DCC: variants seen among roughly 807,000 people sequenced by gnomAD.
The protein encoded by DCC is netrin receptor DCC.
In DCC, 58 loss-of-function variants were observed where a neutral mutation model predicts 172.5. The ratio of observed to expected loss-of-function variants is 0.34; its 90% CI spans 0.27 to 0.42. The LOEUF is 0.42. Ranked by LOEUF, DCC falls within the 10% of genes least tolerant of loss-of-function variation. The pLI, the probability that DCC is intolerant of heterozygous loss-of-function variation, is 1.00. For missense variants in DCC, 1,740 were observed against 1,791.0 expected, an observed-to-expected ratio of 0.97 and a Z score of 0.51; for synonymous variants, 709 against 644.5, an observed-to-expected ratio of 1.10 and a Z score of -1.52.
At chr18:53,511,768 C>G (rs921063882) in intron 27 of DCC, among the ~76,000 whole-genome samples, 1 of 152,202 alleles carries the variant, frequency 6.6e-6, no homozygotes, top group Non-Finnish European at 1.5e-5. Context: ...TAAAAAACGG[C>G]GCATCATGAG....
At chr18:53,338,613 A>C (rs1281068624) in intron 14 of DCC, among the ~76,000 whole-genome samples, 1 of 152,202 alleles carries the variant, frequency 6.6e-6, no homozygotes, top group African/African-American at 2.4e-5. Context: ...CAAATAAATA[A>C]ATATTAATTG....
At chr18:53,088,262 A>G (rs897314736) in intron 7 of DCC, among the ~76,000 whole-genome samples, 1 of 152,064 alleles carries the variant, frequency 6.6e-6, no homozygotes, top group Non-Finnish European at 1.5e-5. Flanking sequence ...ATTTGTTTGT[A>G]TCCTCTTTGA....
intron 1 of DCC, among the ~76,000 whole-genome samples, chr18:52,503,815 G>GGCT (rs918608449): frequency 2.0e-5 from 3 of 152,034 alleles, no homozygotes; most frequent in East Asian, 3.9e-4. Flanking sequence ...GAAGATATTT[G>GGCT]GCTGCTTCCT....
At chr18:52,475,110 T>G (rs1022623989) in intron 1 of DCC, among the ~76,000 whole-genome samples, 5 of 152,196 alleles carry the variant, frequency 3.3e-5, no homozygotes, top group Non-Finnish European at 7.3e-5. Context: ...ATCTAATCAT[T>G]GAAATTCTGA....
chr18:52,389,956 G>A (rs1410327992), intron 1 of DCC, among the ~76,000 whole-genome samples: 1 of 152,038 alleles, frequency 6.6e-6, no homozygotes, highest in African/African-American at 2.4e-5. Flanking sequence ...GTTCAAACAA[G>A]GAGAGTATTA....
intron 1 of DCC, among the ~76,000 whole-genome samples, chr18:52,610,085 G>A (rs1220971513): frequency 3.5e-5 from 5 of 143,398 alleles, no homozygotes; most frequent in Admixed American, 1.4e-4. Context: ...ATGCTGAGGC[G>A]GGTGGATCGC....
chr18:52,868,131 A>G (rs1431335792), intron 2 of DCC, among the ~76,000 whole-genome samples: 1 of 149,498 alleles, frequency 6.7e-6, no homozygotes, highest in Non-Finnish European at 1.5e-5. Context: ...GTGTGTGTGT[A>G]TTATATATAG....
At chr18:53,008,835 G>T (rs1459089177) in intron 5 of DCC, among the ~76,000 whole-genome samples, 1 of 151,908 alleles carries the variant, frequency 6.6e-6, no homozygotes, top group Non-Finnish European at 1.5e-5. Flanking sequence ...AGTAGCACTG[G>T]TTTTTAAACA....
intron 14 of DCC, among the ~76,000 whole-genome samples, chr18:53,331,768 AAAG>A (rs1213764203): frequency 6.6e-6 from 1 of 152,200 alleles, no homozygotes; most frequent in Non-Finnish European, 1.5e-5. Context: ...TTGGGCCAAA[AAAG>A]GGCTGAATCC....
chr18:53,531,965 G>A lies in DCC; in HGVS notation c.*1312G>A, dbSNP rs1438801228. On this transcript the variant is annotated 3_prime_UTR_variant, in exon 29 of 29. Transcript: ENST00000442544. ...ACTTCTATTGCCATGTTTATCTACAGCTTGGAACTAGCTAAAATTAAGAAC... is the reference window on the plus strand; with the variant it reads ...ACTTCTATTGCCATGTTTATCTACAACTTGGAACTAGCTAAAATTAAGAAC... The A allele has an allele frequency of 2.6e-5, 4 of 152,168 alleles. No individual in the cohort carries two copies. Among genetic ancestry groups the A allele is most frequent in the African/African-American group, 7.2e-5 (3 of 41,444 alleles). The allele number at this position is 152,168 out of a possible 1,614,324, so 9.4% of individuals were successfully genotyped here.
intron 5 of DCC, among the ~76,000 whole-genome samples, chr18:53,046,862 A>G (rs1599064661): frequency 6.6e-6 from 1 of 151,844 alleles, no homozygotes; most frequent in East Asian, 2.0e-4. Context: ...GACTTACTCT[A>G]AAGAGTCCGT....
intron 5 of DCC, among the ~76,000 whole-genome samples, chr18:52,930,998 T>C (rs1191804297): frequency 6.9e-6 from 1 of 144,698 alleles, no homozygotes; most frequent in East Asian, 2.1e-4. Context: ...TGAGTTTTCA[T>C]GGTCTTGGTT....
intron 1 of DCC, among the ~76,000 whole-genome samples, chr18:52,487,583 G>A (rs918443430): frequency 1.3e-5 from 2 of 152,080 alleles, no homozygotes; most frequent in Admixed American, 6.6e-5. Context: ...GGCTGAGGCG[G>A]GTGGATTACC....
At chr18:52,958,703 A>G (rs1301798329) in intron 5 of DCC, among the ~76,000 whole-genome samples, 1 of 152,136 alleles carries the variant, frequency 6.6e-6, no homozygotes, top group African/African-American at 2.4e-5. Context: ...AAATTTAAAG[A>G]TAACTCACCT....
intron 13 of DCC, among the ~76,000 whole-genome samples, chr18:53,317,700 T>C (rs181011337): frequency 1.8e-4 from 28 of 152,326 alleles, no homozygotes; most frequent in Non-Finnish European, 3.1e-4. Context: ...TGGTTTAGTC[T>C]TGCAGCGGGC....
chr18:52,438,664 T>C (rs1020618035), intron 1 of DCC, among the ~76,000 whole-genome samples: 7 of 152,198 alleles, frequency 4.6e-5, no homozygotes, highest in African/African-American at 1.7e-4. Context: ...TAAAATACTT[T>C]TTTCACATCT....
intron 2 of DCC, among the ~76,000 whole-genome samples, chr18:52,799,275 G>A (rs1254634432): frequency 2.6e-5 from 4 of 152,166 alleles, no homozygotes; most frequent in African/African-American, 9.7e-5. Flanking sequence ...GCATTGAACT[G>A]CTTCAGATTG....
At chr18:53,337,785 G>A (rs905304281) in intron 14 of DCC, among the ~76,000 whole-genome samples, 7 of 152,202 alleles carry the variant, frequency 4.6e-5, no homozygotes, top group Admixed American at 1.3e-4. Context: ...ACTTAAGCTA[G>A]AAGTGGGAAT....
At chr18:52,360,159 T>A (rs1598860634) in intron 1 of DCC, among the ~76,000 whole-genome samples, 1 of 152,272 alleles carries the variant, frequency 6.6e-6, no homozygotes, top group East Asian at 1.9e-4. Context: ...AAAAGAGGGA[T>A]CTTCTTCTGT....
Sources: gnomAD v4.1 joint callset for allele counts (sites outside exome capture counted in the v4.1 genomes callset) on GRCh38, gnomAD v4.1.1 for gene constraint, MANE v1.5 for transcripts, NCBI Gene and HGNC (gene_info 2026-07-23, HGNC 2026-07-21) for gene names.